Variants in NAV2 observed in about 807,000 individuals in gnomAD.
The protein encoded by NAV2 is helicase, APC down-regulated 1.
Under a neutral mutation model 223.2 loss-of-function variants are expected in NAV2, and 54 were observed. The ratio of observed to expected loss-of-function variants is 0.24; its 90% CI spans 0.19 to 0.30. The LOEUF is 0.30. Ranked by LOEUF, NAV2 falls within the 10% of genes least tolerant of loss-of-function variation. The probability of loss-of-function intolerance (pLI) is 1.00; values close to 1 mark genes in which losing one functional copy is unlikely to be tolerated. For synonymous variants in NAV2, 1,279 were observed against 1,239.3 expected, an observed-to-expected ratio of 1.03 and a Z score of -0.67; for missense variants, 2,806 against 3,147.5, an observed-to-expected ratio of 0.89 and a Z score of 2.60.
At chr11:20,107,508 A>G (rs1455294798) in intron 35 of NAV2, 156 bp from the exon 36 acceptor site, 4 of 655,878 alleles carry the variant, frequency 6.1e-6, no homozygotes, top group South Asian at 3.7e-5. Context: ...TGTGGCCACC[A>G]TCCAGGGCTA....
At chr11:19,391,121 A>G (rs1004630101) in intron 1 of NAV2, among the ~76,000 whole-genome samples, 2 of 152,130 alleles carry the variant, frequency 1.3e-5, no homozygotes, top group Admixed American at 6.5e-5. Flanking sequence ...TTCGTTCTCT[A>G]GTGATCATTG....
Position 20,119,190 on chromosome 11 carries a change from T to C in NAV2, c.*932T>C, listed in dbSNP as rs1355029043. On this transcript the variant is annotated 3_prime_UTR_variant, in exon 38 of 38. Coordinates refer to ENST00000349880, the MANE Select transcript of NAV2 (RefSeq NM_145117.5). ...TGATGCATTGATTTTTGAAGATTTTTTTTTCCCCCTTCCCCTCTTGGTCAG... is the reference window on the plus strand; with the variant it reads ...TGATGCATTGATTTTTGAAGATTTTCTTTTCCCCCTTCCCCTCTTGGTCAG... 1 of 152,058 alleles carries C rather than the reference T, an allele frequency of 6.6e-6. No individual in the cohort carries two copies. Among genetic ancestry groups the C allele is most frequent in the Non-Finnish European group, 1.5e-5 (1 of 67,994 alleles). The allele number at this position is 152,058 out of a possible 1,614,324, so 9.4% of individuals were successfully genotyped here.
intron 1 of NAV2, among the ~76,000 whole-genome samples, chr11:19,749,882 C>A (rs760810241): frequency 6.6e-6 from 1 of 152,212 alleles, no homozygotes; most frequent in South Asian, 2.1e-4. Flanking sequence ...GCCTGCCTCA[C>A]GTCTATGGCT....
chr11:19,435,921 T>C (rs1717539485), intron 1 of NAV2, among the ~76,000 whole-genome samples: 1 of 152,188 alleles, frequency 6.6e-6, no homozygotes. Context: ...CGGTTATTTG[T>C]GTTCTTGTTA....
At chr11:20,058,583 C>T (rs1201474788) in intron 19 of NAV2, among the ~76,000 whole-genome samples, 1 of 152,136 alleles carries the variant, frequency 6.6e-6, no homozygotes. Flanking sequence ...AACCCTCCAC[C>T]CTATCAATTT....
chr11:19,841,202 G>A (rs1167950106), intron 2 of NAV2, among the ~76,000 whole-genome samples: 1 of 152,154 alleles, frequency 6.6e-6, no homozygotes, highest in Non-Finnish European at 1.5e-5. Flanking sequence ...AAAAAAAGGT[G>A]TAGATTAGAC....
intron 3 of NAV2, among the ~76,000 whole-genome samples, chr11:19,855,251 G>A (rs1026336090): frequency 6.6e-6 from 1 of 152,114 alleles, no homozygotes; most frequent in African/African-American, 2.4e-5. Flanking sequence ...GTCTCTGTAT[G>A]GCTTTCAAGA....
intron 1 of NAV2, among the ~76,000 whole-genome samples, chr11:19,716,056 C>T (rs1261294709): frequency 1.4e-5 from 2 of 139,028 alleles, no homozygotes; most frequent in African/African-American, 2.7e-5. Context: ...GGTACCCATT[C>T]CCCCTCCAAA....
At chr11:19,873,469 G>A (rs1198696680) in intron 4 of NAV2, among the ~76,000 whole-genome samples, 3 of 152,120 alleles carry the variant, frequency 2.0e-5, no homozygotes, top group Non-Finnish European at 4.4e-5. Context: ...ATGATGGGGG[G>A]AAACCTTGCA....
chr11:19,437,701 C>T (rs1212624748), intron 1 of NAV2, among the ~76,000 whole-genome samples: 1 of 139,792 alleles, frequency 7.2e-6, no homozygotes, highest in East Asian at 2.7e-4. Context: ...GATTTATGTG[C>T]CACTCAGAAA....
At chr11:19,916,606 C>A (rs977201428) in intron 6 of NAV2, among the ~76,000 whole-genome samples, 5 of 152,206 alleles carry the variant, frequency 3.3e-5, no homozygotes, top group African/African-American at 4.8e-5. Context: ...TATTCTGTAT[C>A]ACATACTGGA....
intron 1 of NAV2, among the ~76,000 whole-genome samples, chr11:19,528,282 T>A (rs774384121): frequency 2.6e-5 from 4 of 152,228 alleles, no homozygotes; most frequent in Non-Finnish European, 5.9e-5. Flanking sequence ...TCAGCCATCA[T>A]GGACCCTGGG....
intron 34 of NAV2, chr11:20,104,319 A>C: frequency 6.5e-6 from 1 of 152,822 alleles, no homozygotes; most frequent in Non-Finnish European, 1.4e-5. Context: ...ATCACCAAAC[A>C]CCCCTTGCCC....
intron 11 of NAV2, among the ~76,000 whole-genome samples, chr11:20,005,254 T>TATATAATATATATATATATA (rs1491300791): frequency 4.4e-5 from 1 of 22,738 alleles, no homozygotes; most frequent in African/African-American, 8.1e-5. Context: ...TATATATATA[T>TATATAATATATATATATATA]TTTTTTTTTT....
chr11:19,859,309 C>T (rs1323475130), intron 3 of NAV2, among the ~76,000 whole-genome samples: 23 of 149,912 alleles, frequency 1.5e-4, no homozygotes, highest in African/African-American at 3.4e-4. Flanking sequence ...GTTTGTGTCC[C>T]TGGGTACTTG....
At chr11:19,626,687 A>G (rs1040705790) in intron 1 of NAV2, among the ~76,000 whole-genome samples, 46 of 152,090 alleles carry the variant, frequency 3.0e-4, no homozygotes, top group African/African-American at 1.1e-3. Flanking sequence ...AGTTGTTTGC[A>G]TCTTCTTAAA....
At chr11:20,063,630 C>T (rs2058848448) in intron 20 of NAV2, among the ~76,000 whole-genome samples, 1 of 152,152 alleles carries the variant, frequency 6.6e-6, no homozygotes, top group Non-Finnish European at 1.5e-5. Context: ...CCATCTCAGC[C>T]TCCCGAAGTG....
intron 6 of NAV2, among the ~76,000 whole-genome samples, chr11:19,903,844 C>G (rs1034672767): frequency 2.0e-5 from 3 of 152,154 alleles, no homozygotes; most frequent in African/African-American, 4.8e-5. Flanking sequence ...AGGGCCTCCC[C>G]ACATTTGTTT....
intron 1 of NAV2, among the ~76,000 whole-genome samples, chr11:19,796,602 G>A (rs1200557486): frequency 6.6e-6 from 1 of 152,164 alleles, no homozygotes; most frequent in Non-Finnish European, 1.5e-5. Flanking sequence ...GCTAAACACA[G>A]GTCAGGCTGA....
Sources: gnomAD v4.1 joint callset for allele counts (sites outside exome capture counted in the v4.1 genomes callset) on GRCh38, gnomAD v4.1.1 for gene constraint, MANE v1.5 for transcripts, NCBI Gene and HGNC (gene_info 2026-07-23, HGNC 2026-07-21) for gene names.